OTOG: variants seen among roughly 807,000 people sequenced by gnomAD.
OTOG encodes the protein otogelin.
OTOG carries 296 observed loss-of-function variants against 313.8 expected under a neutral mutation model. The observed-to-expected ratio is 0.94, with a 90% confidence interval of 0.86 to 1.04. OTOG has a LOEUF of 1.04. Among genes scored for constraint, OTOG ranks in the 50% least tolerant of loss-of-function variants. The pLI, the probability that OTOG is intolerant of heterozygous loss-of-function variation, is 0.00. For synonymous variants in OTOG, 1,533 were observed against 1,554.9 expected, an observed-to-expected ratio of 0.99 and a Z score of 0.33; for missense variants, 3,948 against 3,840.1, an observed-to-expected ratio of 1.03 and a Z score of -0.74.
At chr11:17,631,650 A>T in intron 40 of OTOG, 52 bp from the exon 41 acceptor site, 1 of 1,414,492 alleles carries the variant, frequency 7.1e-7, no homozygotes, top group Non-Finnish European at 9.7e-7. Flanking sequence ...AGCTGACGAC[A>T]TGGGAGTGGT....
intron 39 of OTOG, among the ~76,000 whole-genome samples, chr11:17,624,373 C>G (rs1853934642): frequency 6.6e-6 from 1 of 152,192 alleles, no homozygotes; most frequent in African/African-American, 2.4e-5. Context: ...CTGCATATGG[C>G]TAGCCATTTA....
intron 15 of OTOG, among the ~76,000 whole-genome samples, chr11:17,568,899 A>G (rs1590006491): frequency 1.3e-5 from 2 of 152,348 alleles, no homozygotes; most frequent in South Asian, 4.1e-4. Context: ...GTGTCTTTAG[A>G]TAACCTGAGA....
chr11:17,572,975 A>G, intron 18 of OTOG, 103 bp from the exon 19 acceptor site: 3 of 984,570 alleles, frequency 3.0e-6, no homozygotes, highest in Admixed American at 5.4e-5. Flanking sequence ...CAGCGTGTGC[A>G]CACACACACA....
Position 17,610,551 on chromosome 11 carries a change from C to CGCCCA in OTOG, c.5259_5263dup (p.His1755ProfsTer104). 1 of 1,550,620 alleles carries CGCCCA rather than the reference C, an allele frequency of 6.4e-7. No individual in the cohort carries two copies. The highest frequency in any genetic ancestry group is 8.7e-7 in the Non-Finnish European group (1 of 1,146,970). ...ACACCCACTCCCCTCTGCACCACCC[C>CGCCCA]GCCCAGCCCAGCATACCACCATGGC... On this transcript the variant is annotated frameshift_variant, in exon 36 of 56. Coordinates refer to ENST00000399397, the MANE Select transcript of OTOG (RefSeq NM_001292063.2). LOFTEE classifies it high-confidence loss of function.
intron 22 of OTOG, 27 bp downstream of exon 22, chr11:17,576,938 C>T (rs1244720087): frequency 3.2e-6 from 5 of 1,546,410 alleles, no homozygotes; most frequent in East Asian, 2.4e-5. Context: ...GGGTGGAGCC[C>T]TTCTGGGGGC....
At chr11:17,591,251 T>C (rs1369868461) in intron 24 of OTOG, among the ~76,000 whole-genome samples, 199 bp from the exon 25 acceptor site, 2 of 152,200 alleles carry the variant, frequency 1.3e-5, no homozygotes, top group Non-Finnish European at 2.9e-5. Context: ...TGGCTGTGTT[T>C]CATAACCTCT....
rs1454364666 is a variant in OTOG, at chr11:17,569,267, A to G, written c.1756A>G (p.Ile586Val). ...GDVLLFDQYKIIPPYTDDAFE... is the reference protein window; with the variant it reads ...GDVLLFDQYKVIPPYTDDAFE... ...TGTCCTTCTGTTTGACCAGTACAAG[A>G]TCATCCCGCCATACACAGATGGTAC... is the stretch of plus-strand genomic sequence containing the variant. The change falls in exon 16 of 56, where the codon ATC (isoleucine) becomes GTC (valine). Residue 586 changes from isoleucine (I) to valine (V), a missense_variant. Ile to Val is a conservative substitution (Grantham distance 29). Transcript: ENST00000399397. 6.4e-7 allele frequency: 1 copy of G among 1,550,520 alleles called. No homozygotes were observed. Among genetic ancestry groups the G allele is most frequent in the African/African-American group, 1.4e-5 (1 of 73,122 alleles).
chr11:17,611,450 AC>A (rs1853546905), intron 36 of OTOG, 27 bp downstream of exon 36: 7 of 1,487,610 alleles, frequency 4.7e-6, no homozygotes, highest in South Asian at 1.3e-5. Flanking sequence ...GGTTCTGGCC[AC>A]CCGTATGTGA....
intron 37 of OTOG, 52 bp downstream of exon 37, chr11:17,612,382 C>G: frequency 6.8e-7 from 1 of 1,479,468 alleles, no homozygotes; most frequent in Non-Finnish European, 9.0e-7. Flanking sequence ...ATCCTTACCC[C>G]AGCATGACCG....
rs752425638 is a variant in OTOG, at chr11:17,559,152, C to T, written c.1204C>T (p.Arg402Trp). 84 of 1,537,856 alleles carry T rather than the reference C, an allele frequency of 5.5e-5. No individual in the cohort carries two copies. Among genetic ancestry groups the T allele is most frequent in the Non-Finnish European group, 6.5e-5 (74 of 1,146,574 alleles). The change falls in exon 11 of 56, where the codon CGG becomes TGG. Residue 402 changes from arginine to tryptophan, a missense_variant. Physicochemically the swap from Arg to Trp is moderately radical, Grantham distance 101. Coordinates refer to ENST00000399397, the MANE Select transcript of OTOG (RefSeq NM_001292063.2). The stretch of plus-strand genomic sequence containing the variant: ...CTTGCAAGGCTGGAGGACCCAGCTC[C>T]GGCAATGCAGTAGGTGCAGCCCAGT... ...RPLQGWRTQL[R>W]QCTVHCKEKA... is the part of the protein sequence containing the mutation.
intron 20 of OTOG, among the ~76,000 whole-genome samples, chr11:17,575,571 C>A (rs141095212): frequency 6.6e-6 from 1 of 152,278 alleles, no homozygotes; most frequent in East Asian, 1.9e-4. Context: ...TGGGAGGCAG[C>A]GACCCCACGT....
intron 12 of OTOG, 23 bp from the exon 13 acceptor site, chr11:17,560,686 T>C (rs1312494064): frequency 2.0e-6 from 3 of 1,520,968 alleles, no homozygotes; most frequent in Non-Finnish European, 2.7e-6. Context: ...GGTGAGTTAA[T>C]TGGCCCTTTG....
intron 36 of OTOG, among the ~76,000 whole-genome samples, 179 bp downstream of exon 36, chr11:17,611,602 A>G (rs181519409): frequency 1.5e-4 from 23 of 152,310 alleles, no homozygotes; most frequent in Admixed American, 1.2e-3. Context: ...CGCCTGGCCC[A>G]TCTAGGCCCT....
intron 39 of OTOG, among the ~76,000 whole-genome samples, chr11:17,618,156 C>T (rs556709532): frequency 6.6e-6 from 1 of 152,302 alleles, no homozygotes; most frequent in South Asian, 2.1e-4. Context: ...CCGCCTTGGC[C>T]TCCCAAAGTG....
chr11:17,635,858 G>C (rs549508402), intron 47 of OTOG, 147 bp downstream of exon 47: 10 of 678,640 alleles, frequency 1.5e-5, no homozygotes, highest in African/African-American at 1.4e-4. Context: ...AATCCAGGAC[G>C]AGTGCAGGCC....
chr11:17,607,998 T>C (rs1853429710), intron 33 of OTOG, among the ~76,000 whole-genome samples: 1 of 152,026 alleles, frequency 6.6e-6, no homozygotes, highest in South Asian at 2.1e-4. Context: ...CGGTCACCCT[T>C]CGAAACCTCA....
intron 39 of OTOG, among the ~76,000 whole-genome samples, chr11:17,624,565 A>G (rs1213532382): frequency 6.6e-6 from 1 of 152,160 alleles, no homozygotes; most frequent in Non-Finnish European, 1.5e-5. Flanking sequence ...GCCGTGAAGT[A>G]TAGTTTGAAG....
intron 23 of OTOG, 74 bp downstream of exon 23, chr11:17,578,600 G>T: frequency 6.9e-7 from 1 of 1,444,886 alleles, no homozygotes; most frequent in Non-Finnish European, 9.1e-7. Flanking sequence ...TGGAGTGGGG[G>T]CAGGGAAAAC....
intron 23 of OTOG, among the ~76,000 whole-genome samples, chr11:17,585,782 GTAT>G (rs1357893634): frequency 2.0e-5 from 3 of 152,060 alleles, no homozygotes; most frequent in Non-Finnish European, 4.4e-5. Flanking sequence ...ACTCCTTTGA[GTAT>G]AATGCCTGTA....
Sources: allele counts gnomAD v4.1 joint callset (sites outside exome capture counted in the v4.1 genomes callset), GRCh38; gene constraint gnomAD v4.1.1; transcripts MANE v1.5; gene names NCBI Gene and HGNC (gene_info 2026-07-23, HGNC 2026-07-21).